Variants in SVIL observed in about 807,000 individuals in gnomAD.
The protein encoded by SVIL is archvillin.
In SVIL, 101 loss-of-function variants were observed where a neutral mutation model predicts 240.4. That is an observed-to-expected ratio of 0.42 (90% CI 0.36 to 0.50). The LOEUF (loss-of-function observed/expected upper bound fraction) is 0.50. Ranked by LOEUF, SVIL falls within the 20% of genes least tolerant of loss-of-function variation. The pLI, the probability that SVIL is intolerant of heterozygous loss-of-function variation, is 0.01. For synonymous variants in SVIL, 999 were observed against 1,100.0 expected (o/e 0.91, Z 1.82); for missense variants, 2,512 against 2,818.7 (o/e 0.89, Z 2.46).
At chr10:29,555,894 C>G (rs1953883839) in intron 3 of SVIL, among the ~76,000 whole-genome samples, 1 of 152,200 alleles carries the variant, frequency 6.6e-6, no homozygotes, top group African/African-American at 2.4e-5. Flanking sequence ...GATTGTGTTT[C>G]CAGCAGTGCC....
intron 1 of SVIL, among the ~76,000 whole-genome samples, chr10:29,722,816 G>A (rs1417034448): frequency 6.6e-6 from 1 of 152,120 alleles, no homozygotes; most frequent in African/African-American, 2.4e-5. Flanking sequence ...ACACACATAG[G>A]ACCTCCATGG....
chr10:29,582,303 C>A (rs1028055971), intron 1 of SVIL, among the ~76,000 whole-genome samples: 4 of 152,198 alleles, frequency 2.6e-5, no homozygotes, highest in Admixed American at 6.5e-5. Flanking sequence ...ACATGCTGAG[C>A]ACCTGGAGAA....
chr10:29,594,063 G>A (rs528746876), intron 1 of SVIL, among the ~76,000 whole-genome samples: 26 of 152,236 alleles, frequency 1.7e-4, no homozygotes, highest in East Asian at 3.9e-4. Context: ...TTTGAGCTTC[G>A]ACATGAGACA....
At chr10:29,512,633 A>T in intron 17 of SVIL, 102 bp downstream of exon 17, 3 of 1,598,528 alleles carry the variant, frequency 1.9e-6, no homozygotes, top group Non-Finnish European at 2.6e-6. Context: ...AAATGCACAA[A>T]TGCTTCACAG....
chr10:29,467,904 T>C (rs1479991976), intron 32 of SVIL, 29 bp from the exon 33 acceptor site: 2 of 1,613,412 alleles, frequency 1.2e-6, no homozygotes, highest in East Asian at 2.2e-5. Flanking sequence ...AAGAGTTCTT[T>C]ATAAGTCTGG....
At chr10:29,508,933 C>T (rs563263715) in intron 17 of SVIL, among the ~76,000 whole-genome samples, 203 of 152,316 alleles carry the variant, frequency 1.3e-3, no homozygotes, top group African/African-American at 4.7e-3. Context: ...TGTGCCTTAA[C>T]GTCGAATAAA....
rs371927595 is a variant in SVIL at position 29,554,744 on chromosome 10, C to G, written c.160+39G>C. On this transcript the variant is annotated intron_variant, in intron 5 of 37. Coordinates refer to ENST00000355867, the MANE Select transcript of SVIL (RefSeq NM_021738.3). ...AAAGGGCAACTCGTAACCAGCCAGG[C>G]AGCCTGCTGGAAAATGGGCCACCCA... The G allele has an allele frequency of 2.7e-3, 4,050 of 1,492,782 alleles. 166 individuals carry two copies. In the South Asian group the frequency reaches 0.053, roughly 20 times the overall value. 92.5% of individuals were successfully genotyped at this position (1,492,782 alleles called of 1,614,324 possible). A position where few individuals can be genotyped will look rare whatever the true frequency, so the allele number is the denominator to read the frequency against.
At chr10:29,690,677 T>G (rs1961432324) in intron 1 of SVIL, among the ~76,000 whole-genome samples, 1 of 152,192 alleles carries the variant, frequency 6.6e-6, no homozygotes. Context: ...TCTCAATTCT[T>G]TTAAAAAAGG....
At chr10:29,672,563 AT>A (rs1310335961) in intron 2 of SVIL, among the ~76,000 whole-genome samples, 1 of 152,212 alleles carries the variant, frequency 6.6e-6, no homozygotes, top group Non-Finnish European at 1.5e-5. Context: ...TAGGGTAAAA[AT>A]TAAATAATAA....
At chr10:29,662,209 TC>T (rs1308437109) in intron 2 of SVIL, among the ~76,000 whole-genome samples, 2 of 152,132 alleles carry the variant, frequency 1.3e-5, no homozygotes, top group Non-Finnish European at 2.9e-5. Context: ...AGGCACTTCC[TC>T]CCCGGTCTCA....
At chr10:29,585,045 G>T (rs1045248565) in intron 1 of SVIL, among the ~76,000 whole-genome samples, 4 of 151,660 alleles carry the variant, frequency 2.6e-5, no homozygotes, top group African/African-American at 7.3e-5. Context: ...GGGACTATAG[G>T]TGCACATCAC....
intron 1 of SVIL, among the ~76,000 whole-genome samples, chr10:29,611,214 A>G (rs1258351116): frequency 1.3e-5 from 2 of 152,040 alleles, no homozygotes; most frequent in East Asian, 3.9e-4. Context: ...TGTGAATGCA[A>G]TTCTTGGTTA....
chr10:29,510,102 C>T (rs1372651332), intron 17 of SVIL, among the ~76,000 whole-genome samples: 1 of 152,174 alleles, frequency 6.6e-6, no homozygotes, highest in African/African-American at 2.4e-5. Flanking sequence ...CCACGTTGCC[C>T]AAGCTGGTCT....
At chr10:29,537,308 C>A (rs1951811834) in intron 6 of SVIL, among the ~76,000 whole-genome samples, 1 of 152,148 alleles carries the variant, frequency 6.6e-6, no homozygotes, top group South Asian at 2.1e-4. Flanking sequence ...GAAAATGAAT[C>A]ATAAATCAAC....
At chr10:29,586,016 T>C (rs1222356769) in intron 1 of SVIL, among the ~76,000 whole-genome samples, 1 of 152,246 alleles carries the variant, frequency 6.6e-6, no homozygotes. Flanking sequence ...TGAACGAGCA[T>C]TTCAGTGCAG....
rs529709749 is a variant in SVIL, at chr10:29,484,498, G to A, written c.4955+158C>T. Among the ~76,000 whole-genome samples the A allele has an allele frequency of 6.6e-6, 1 of 152,166 alleles. No homozygotes were observed. The highest frequency in any genetic ancestry group is 2.4e-5 in the African/African-American group (1 of 41,430). On this transcript the variant is annotated intron_variant, in intron 27 of 37. Coordinates refer to ENST00000355867, the MANE Select transcript of SVIL (RefSeq NM_021738.3). This position sits in a 1 kb window ranked among gnomAD's most constrained non-coding sequence, Gnocchi z 4.7. ...CTGCAATAGTTAGATAAAAGTTAAA[G>A]AACTGTTCCTTTTGTGAATATTCAC...
chr10:29,587,865 G>C lies in SVIL; in HGVS notation c.-200-18553C>G, dbSNP rs1956233028. Among the ~76,000 whole-genome samples the C allele has an allele frequency of 4.6e-5, 7 of 152,294 alleles. No individual in the cohort carries two copies. In the South Asian group the frequency reaches 1.5e-3, roughly 32 times the overall value. ...AATGATTACACACCAGCGAAAAGTG[G>C]ACGTCTGTATTTCCAGCTAAGGAGG... On this transcript the variant is annotated intron_variant, in intron 1 of 37. Transcript: ENST00000355867.
chr10:29,644,794 A>G (rs1958602954), intron 3 of SVIL, among the ~76,000 whole-genome samples: 1 of 152,152 alleles, frequency 6.6e-6, no homozygotes, highest in Admixed American at 6.5e-5. Flanking sequence ...ACGAGTGGGA[A>G]CTTCCTACCC....
intron 1 of SVIL, among the ~76,000 whole-genome samples, chr10:29,694,948 ATCTC>A (rs1267700997): frequency 1.3e-5 from 2 of 152,192 alleles, no homozygotes; most frequent in African/African-American, 2.4e-5. Context: ...GGCCTGAGTT[ATCTC>A]TCTCTGCAGG....
Sources: gnomAD v4.1 joint callset for allele counts (sites outside exome capture counted in the v4.1 genomes callset) on GRCh38, gnomAD v4.1.1 for gene constraint, Gnocchi (gnomAD v3.1) non-coding constraint, MANE v1.5 for transcripts, NCBI Gene and HGNC (gene_info 2026-07-23, HGNC 2026-07-21) for gene names.